The following PAK5 variants were observed in gnomAD, a reference collection of about 807,000 sequenced individuals.
PAK5 encodes the protein p21 (RAC1) activated kinase 5.
Under a neutral mutation model 65.9 loss-of-function variants are expected in PAK5, and 16 were observed. That is an observed-to-expected ratio of 0.24 (90% CI 0.16 to 0.37). The LOEUF (loss-of-function observed/expected upper bound fraction) is 0.37, where lower values mean the gene tolerates loss of function less well. Ranked by LOEUF, PAK5 falls within the 10% of genes least tolerant of loss-of-function variation. The pLI, the probability that PAK5 is intolerant of heterozygous loss-of-function variation, is 1.00. For missense variants in PAK5, 785 were observed against 903.9 expected (o/e 0.87, Z 1.69); for synonymous variants, 371 against 354.9 (o/e 1.05, Z -0.51).
At chr20:9,750,335 C>T (rs1030194360) in intron 1 of PAK5, among the ~76,000 whole-genome samples, 12 of 151,898 alleles carry the variant, frequency 7.9e-5, no homozygotes, top group African/African-American at 2.2e-4. Flanking sequence ...ATAACATTGA[C>T]GAAGGAGGCT....
At chr20:9,600,792 C>T (rs895824307) in intron 3 of PAK5, among the ~76,000 whole-genome samples, 1 of 152,222 alleles carries the variant, frequency 6.6e-6, no homozygotes, top group East Asian at 1.9e-4. Context: ...TCTCCCACCT[C>T]CCCTACTCAT....
chr20:9,616,727 C>A (rs2046664463), intron 3 of PAK5, among the ~76,000 whole-genome samples: 2 of 152,116 alleles, frequency 1.3e-5, no homozygotes. Context: ...GAGAGCCAAG[C>A]AAAGCATGCG....
At chr20:9,636,272 T>C (rs936595507) in intron 3 of PAK5, among the ~76,000 whole-genome samples, 1 of 152,016 alleles carries the variant, frequency 6.6e-6, no homozygotes, top group East Asian at 1.9e-4. Context: ...TAGAGAAAGG[T>C]AGAGAATTTC....
chr20:9,553,605 G>A (rs1385200121), intron 7 of PAK5, among the ~76,000 whole-genome samples: 1 of 151,886 alleles, frequency 6.6e-6, no homozygotes, highest in African/African-American at 2.4e-5. Flanking sequence ...CATATAGTGT[G>A]TATCCTTTTG....
chr20:9,653,784 C>T (rs2047231285), intron 2 of PAK5, among the ~76,000 whole-genome samples: 1 of 152,072 alleles, frequency 6.6e-6, no homozygotes, highest in African/African-American at 2.4e-5. Context: ...ATGAGTCTCA[C>T]CTGGTAAAAA....
chr20:9,561,257 C>A (rs986787879), intron 6 of PAK5, among the ~76,000 whole-genome samples: 2 of 151,888 alleles, frequency 1.3e-5, no homozygotes, highest in Admixed American at 6.6e-5. Context: ...TCCATGGATA[C>A]AAAATAAGAA....
intron 1 of PAK5, among the ~76,000 whole-genome samples, chr20:9,761,441 A>G (rs942972134): frequency 2.6e-5 from 4 of 152,210 alleles, no homozygotes; most frequent in African/African-American, 4.8e-5. Context: ...TCATATTGGT[A>G]AAATGTTCAT....
At chr20:9,676,359 A>T (rs182066033) in intron 2 of PAK5, among the ~76,000 whole-genome samples, 47 of 152,308 alleles carry the variant, frequency 3.1e-4, no homozygotes, top group African/African-American at 1.1e-3. Flanking sequence ...TATATATTTA[A>T]TGTGAATACT....
chr20:9,732,985 G>A (rs950536371), intron 1 of PAK5, among the ~76,000 whole-genome samples: 1 of 152,142 alleles, frequency 6.6e-6, no homozygotes, highest in Admixed American at 6.5e-5. Context: ...GGAACTAGCT[G>A]ATAAACATAA....
intron 2 of PAK5, among the ~76,000 whole-genome samples, chr20:9,691,150 G>C (rs1224773651): frequency 3.9e-5 from 6 of 152,174 alleles, no homozygotes; most frequent in Admixed American, 3.9e-4. Context: ...GCACCTTGCA[G>C]CTGCCTGCTA....
intron 1 of PAK5, among the ~76,000 whole-genome samples, chr20:9,743,622 T>C (rs150289054): frequency 2.0e-3 from 312 of 152,254 alleles, no homozygotes; most frequent in Non-Finnish European, 3.8e-3. Context: ...ATACTGAGAT[T>C]GTGCTTATGA....
chr20:9,749,922 C>G (rs759228760), intron 1 of PAK5, among the ~76,000 whole-genome samples: 29 of 152,138 alleles, frequency 1.9e-4, no homozygotes, highest in Non-Finnish European at 3.8e-4. Context: ...GTCCTCAGGC[C>G]AGATTTTGAG....
At chr20:9,655,734 C>T (rs570692445) in intron 2 of PAK5, among the ~76,000 whole-genome samples, 2 of 152,268 alleles carry the variant, frequency 1.3e-5, no homozygotes, top group South Asian at 4.1e-4. Context: ...TTTGCTAGGG[C>T]TGCCAAAACA....
chr20:9,584,317 T>A (rs1421423560), intron 3 of PAK5, among the ~76,000 whole-genome samples: 1 of 152,160 alleles, frequency 6.6e-6, no homozygotes, highest in Non-Finnish European at 1.5e-5. Flanking sequence ...TTATTTTATT[T>A]TATTTTATTT....
Position 9,557,589 on chromosome 20 carries a change from C to A in PAK5, c.1743+19G>T, listed in dbSNP as rs750686030. ...AGTGACAAGAAAAACTACGAACGGG[C>A]CAAACATGAACATCTTACCCGGCCA... is the stretch of plus-strand genomic sequence containing the variant. On this transcript the variant is annotated intron_variant, in intron 7 of 9. Transcript: ENST00000353224. The A allele has an allele frequency of 3.3e-5, 53 of 1,598,294 alleles. No individual in the cohort carries two copies. The Middle Eastern group carries it at 1.2e-3, about 35-fold the overall frequency.
intron 3 of PAK5, among the ~76,000 whole-genome samples, chr20:9,583,714 T>C (rs117306449): frequency 0.01 from 1,552 of 152,368 alleles, 10 homozygotes; most frequent in South Asian, 0.025. Flanking sequence ...ATGTATTCAC[T>C]GTTAGAGTGC....
chr20:9,719,105 T>C (rs1192749237), intron 1 of PAK5, among the ~76,000 whole-genome samples: 1 of 152,174 alleles, frequency 6.6e-6, no homozygotes, highest in Admixed American at 6.5e-5. Flanking sequence ...ATGTTCTGTG[T>C]CCAGAGGAGA....
At chr20:9,784,268 A>C (rs2048970477) in intron 1 of PAK5, 2 of 152,306 alleles carry the variant, frequency 1.3e-5, no homozygotes, top group South Asian at 4.1e-4. Context: ...TAGGATTGGG[A>C]ATGACAGTAG....
chr20:9,665,085 G>GTTTTGTTTTTTT (rs1555910636), intron 2 of PAK5, among the ~76,000 whole-genome samples: 2 of 98,920 alleles, frequency 2.0e-5, no homozygotes, highest in Admixed American at 1.3e-4. Context: ...AAATTTTTCT[G>GTTTTGTTTTTTT]TTTTTTTTTT....
Sources: allele counts gnomAD v4.1 joint callset (sites outside exome capture counted in the v4.1 genomes callset), GRCh38; gene constraint gnomAD v4.1.1; transcripts MANE v1.5; gene names NCBI Gene and HGNC (gene_info 2026-07-23, HGNC 2026-07-21).